NCK2: variants seen among roughly 807,000 people sequenced by gnomAD.
The protein encoded by NCK2 is cytoplasmic protein NCK2.
A neutral mutation model predicts 33.9 loss-of-function variants in NCK2; 16 were observed. The ratio of observed to expected loss-of-function variants is 0.47; its 90% CI spans 0.32 to 0.72. The LOEUF (loss-of-function observed/expected upper bound fraction) is 0.72. Among genes scored for constraint, NCK2 ranks in the 30% least tolerant of loss-of-function variants. The pLI is 0.03. For missense variants in NCK2, 418 were observed against 537.3 expected (o/e 0.78, Z 2.19); for synonymous variants, 273 against 239.9 (o/e 1.14, Z -1.27).
At chr2:105,839,577 G>C (rs1676557947) in intron 2 of NCK2, among the ~76,000 whole-genome samples, 1 of 152,164 alleles carries the variant, frequency 6.6e-6, no homozygotes, top group Non-Finnish European at 1.5e-5. Context: ...AGGCACAGGA[G>C]GTAGTTTGTT....
rs539931681 is a variant in NCK2, at chr2:105,753,987, G to A, written c.-201+8849G>A. Reference sequence around the variant, plus strand: ...TCTTCCAAGTGAGTTGTCTGTGCCAGCTTCTCGAACCTACCCTTTTGTGTT... The same window carrying A: ...TCTTCCAAGTGAGTTGTCTGTGCCAACTTCTCGAACCTACCCTTTTGTGTT... On this transcript the variant is annotated intron_variant, in intron 1 of 4. Transcript: ENST00000233154. Among the ~76,000 whole-genome samples, 7 of 152,320 alleles carry A rather than the reference G, an allele frequency of 4.6e-5. No individual in the cohort carries two copies. In the East Asian group the frequency reaches 5.8e-4, roughly 13 times the overall value.
intron 2 of NCK2, among the ~76,000 whole-genome samples, chr2:105,828,637 C>G (rs1318101833): frequency 6.6e-6 from 1 of 152,236 alleles, no homozygotes; most frequent in African/African-American, 2.4e-5. Flanking sequence ...CACACAAGCA[C>G]TAACCCTGGG....
At chr2:105,755,280 A>G (rs925848069) in intron 1 of NCK2, among the ~76,000 whole-genome samples, 1 of 152,120 alleles carries the variant, frequency 6.6e-6, no homozygotes, top group Non-Finnish European at 1.5e-5. Context: ...CATCTTTTTT[A>G]AAAAAGGAGG....
chr2:105,868,671 C>T (rs1677856803), intron 3 of NCK2, among the ~76,000 whole-genome samples: 1 of 152,162 alleles, frequency 6.6e-6, no homozygotes. Flanking sequence ...TGTGTGGTGT[C>T]CAAGAGGACC....
intron 1 of NCK2, among the ~76,000 whole-genome samples, chr2:105,797,134 T>C (rs1360778033): frequency 1.3e-5 from 2 of 152,210 alleles, no homozygotes; most frequent in Non-Finnish European, 2.9e-5. Context: ...CCATCTTTTC[T>C]TTCAGCATCT....
chr2:105,801,005 A>C (rs1372389738), intron 1 of NCK2, among the ~76,000 whole-genome samples: 1 of 152,212 alleles, frequency 6.6e-6, no homozygotes, highest in Non-Finnish European at 1.5e-5. Flanking sequence ...TAATTTTCTA[A>C]ACGCAGAAAA....
At chr2:105,835,386 C>CATGTATATATATAT in intron 2 of NCK2, among the ~76,000 whole-genome samples, 1 of 5,704 alleles carries the variant, frequency 1.8e-4, no homozygotes, top group South Asian at 9.4e-3. Context: ...CATATATATA[C>CATGTATATATATAT]ACATATATAT....
intron 2 of NCK2, among the ~76,000 whole-genome samples, chr2:105,823,614 A>G (rs1489276463): frequency 2.0e-5 from 3 of 152,004 alleles, no homozygotes; most frequent in Non-Finnish European, 4.4e-5. Context: ...CCATGTTAAC[A>G]AAGAGTATAT....
At chr2:105,810,492 G>A (rs1675252529) in intron 1 of NCK2, among the ~76,000 whole-genome samples, 1 of 152,168 alleles carries the variant, frequency 6.6e-6, no homozygotes, top group African/African-American at 2.4e-5. Flanking sequence ...AGTGTTTACA[G>A]TTTATTTTTG....
Position 105,881,803 on chromosome 2 carries a change from G to A in NCK2, c.702G>A (p.Trp234Ter). Residue 234 changes from tryptophan (W) to a stop codon, truncating the protein, a stop_gained, in exon 4 of 5, where the codon TGG (tryptophan) becomes TGA (stop). Coordinates refer to ENST00000233154, the MANE Select transcript of NCK2 (RefSeq NM_003581.5). LOFTEE classifies it high-confidence loss of function. ...VIEKPENDPE[W>*]WKCKNARGQV... Reference sequence around the variant, plus strand: ...AGAAGCCGGAGAACGACCCCGAGTGGTGGAAATGCAAAAATGCCCGGGGCC... The same window carrying A: ...AGAAGCCGGAGAACGACCCCGAGTGATGGAAATGCAAAAATGCCCGGGGCC... 4 of 1,610,984 alleles carry A rather than the reference G, an allele frequency of 2.5e-6. No homozygotes were observed. Among genetic ancestry groups the A allele is most frequent in the Non-Finnish European group, 3.4e-6 (4 of 1,178,658 alleles).
intron 2 of NCK2, among the ~76,000 whole-genome samples, chr2:105,825,995 T>G (rs1007198094): frequency 7.2e-5 from 11 of 152,164 alleles, no homozygotes; most frequent in African/African-American, 2.7e-4. Context: ...TAGAGCAGAT[T>G]GCTAGGATGG....
intron 3 of NCK2, among the ~76,000 whole-genome samples, chr2:105,856,485 T>G (rs1207246535): frequency 6.6e-6 from 1 of 152,230 alleles, no homozygotes; most frequent in East Asian, 1.9e-4. Context: ...TGTTTTCTTT[T>G]GGGGAATGGA....
chr2:105,855,351 C>T, intron 3 of NCK2, 62 bp downstream of exon 3: 2 of 1,236,304 alleles, frequency 1.6e-6, no homozygotes, highest in Non-Finnish European at 1.1e-6. Flanking sequence ...GTTCGTCTTT[C>T]TAGTTAGTTT....
At chr2:105,785,651 C>T (rs1690653383) in intron 1 of NCK2, among the ~76,000 whole-genome samples, 1 of 152,220 alleles carries the variant, frequency 6.6e-6, no homozygotes, top group East Asian at 1.9e-4. Context: ...ACCTCAACAT[C>T]CGCTCAGGTG....
intron 2 of NCK2, among the ~76,000 whole-genome samples, chr2:105,823,870 G>C (rs1675844031): frequency 6.6e-6 from 1 of 152,060 alleles, no homozygotes; most frequent in Non-Finnish European, 1.5e-5. Flanking sequence ...TTATGAATCT[G>C]CTCTGGCTGT....
At chr2:105,787,074 T>C (rs1210835490) in intron 1 of NCK2, among the ~76,000 whole-genome samples, 1 of 152,248 alleles carries the variant, frequency 6.6e-6, no homozygotes, top group African/African-American at 2.4e-5. Flanking sequence ...GCTGTCTTGC[T>C]CTGCCCGCTG....
intron 2 of NCK2, chr2:105,846,784 TAGA>T (rs1170750202): frequency 1.3e-5 from 2 of 152,182 alleles, no homozygotes; most frequent in Non-Finnish European, 2.9e-5. Flanking sequence ...AAATTAAAAC[TAGA>T]ATTACCATAT....
Position 105,893,375 on chromosome 2 carries a change from G to GC in NCK2, c.*200dup. 1 of 553,594 alleles carries GC rather than the reference G, an allele frequency of 1.8e-6. No homozygotes were observed. 34.3% of individuals were successfully genotyped at this position (553,594 alleles called of 1,614,324 possible). On this transcript the variant is annotated 3_prime_UTR_variant, in exon 5 of 5. Coordinates refer to ENST00000233154, the MANE Select transcript of NCK2 (RefSeq NM_003581.5). Reference sequence around the variant, plus strand: ...ACACTCGAGCCCACCCGGCCGGCCAGCTTTAGAGGAGGGGAGGAGCAGGGC... The same window carrying GC: ...ACACTCGAGCCCACCCGGCCGGCCAGCCTTTAGAGGAGGGGAGGAGCAGGGC...
chr2:105,860,100 C>G (rs1481906557), intron 3 of NCK2, among the ~76,000 whole-genome samples: 1 of 152,096 alleles, frequency 6.6e-6, no homozygotes, highest in East Asian at 1.9e-4. Context: ...GCCTGGGGAA[C>G]ATAGCAAGAC....
Sources: gnomAD v4.1 joint callset for allele counts (sites outside exome capture counted in the v4.1 genomes callset) on GRCh38, gnomAD v4.1.1 for gene constraint, MANE v1.5 for transcripts, NCBI Gene and HGNC (gene_info 2026-07-23, HGNC 2026-07-21) for gene names.